The following HEY2 variants were observed in gnomAD, a reference collection of about 807,000 sequenced individuals.
The protein encoded by HEY2 is hairy/enhancer-of-split related with YRPW motif protein 2.
Under a neutral mutation model 18.1 loss-of-function variants are expected in HEY2, and 10 were observed. The observed-to-expected ratio is 0.55, with a 90% CI of 0.34 to 0.94. The LOEUF (loss-of-function observed/expected upper bound fraction) is 0.94. Ranked by LOEUF, HEY2 falls within the 40% of genes least tolerant of loss-of-function variation. HEY2 has a pLI of 0.02. For missense variants in HEY2, 455 were observed against 455.9 expected (o/e 1.00, Z 0.02); for synonymous variants, 210 against 182.7 (o/e 1.15, Z -1.21).
chr6:125,758,204 C>T (rs969294071), intron 4 of HEY2, among the ~76,000 whole-genome samples: 1 of 152,166 alleles, frequency 6.6e-6, no homozygotes, highest in Admixed American at 6.5e-5. Context: ...TTATTATTTT[C>T]TATTCTAATG....
chr6:125,759,781 G>T lies in HEY2; in HGVS notation c.993G>T (p.Gly331=), dbSNP rs1292413999. The T allele has an allele frequency of 1.2e-6, 2 of 1,613,786 alleles. No homozygotes were observed. Among genetic ancestry groups the T allele is most frequent in the Non-Finnish European group, 8.5e-7 (1 of 1,180,012 alleles). The part of the protein sequence containing the change: ...GTNNKPYRPW[G]TEVGAF ...ACAATAAACCTTACCGACCCTGGGGGACAGAAGTTGGAGCTTTTTAAATTT... is the reference window on the plus strand; with the variant it reads ...ACAATAAACCTTACCGACCCTGGGGTACAGAAGTTGGAGCTTTTTAAATTT... The change falls in exon 5 of 5, where the codon GGG becomes GGT. Residue 331 remains glycine, a synonymous_variant. Transcript: ENST00000368364.
rs1478582673 is a variant in HEY2 at position 125,749,756 on chromosome 6, C to T, written c.-21C>T. ...CGTCCGAGCTTCCGGCCGGGCTGTG[C>T]CCCGCGCGGTCTTCGCCGGGATGAA... On this transcript the variant is annotated 5_prime_UTR_variant, in exon 1 of 5. Coordinates refer to ENST00000368364, the MANE Select transcript of HEY2 (RefSeq NM_012259.3). The T allele has an allele frequency of 3.9e-6, 6 of 1,551,842 alleles. No homozygotes were observed. The highest frequency in any genetic ancestry group is 1.2e-5 in the South Asian group (1 of 84,144).
At position 125,760,984 on chromosome 6, in the gene HEY2, T is replaced by A. The variant is rs986788965; in HGVS notation, c.*1182T>A. On this transcript the variant is annotated 3_prime_UTR_variant, in exon 5 of 5. Coordinates refer to ENST00000368364, the MANE Select transcript of HEY2 (RefSeq NM_012259.3). ...TATGTAATGGGGTTGTGGTTTTGTT[T>A]TTTTCGATTTCGTTTAATGACAAAA... 6.6e-6 allele frequency: 1 copy of A among 152,644 alleles called. No homozygotes were observed. The highest frequency in any genetic ancestry group is 2.4e-5 in the African/African-American group (1 of 41,460). The allele number at this position is 152,644 out of a possible 1,614,324, so 9.5% of individuals were successfully genotyped here. A position where few individuals can be genotyped will look rare whatever the true frequency, so the allele number is the denominator to read the frequency against.
chr6:125,758,180 C>A (rs975568701), intron 4 of HEY2, among the ~76,000 whole-genome samples: 1 of 151,992 alleles, frequency 6.6e-6, no homozygotes, highest in Non-Finnish European at 1.5e-5. Context: ...CATGGGCACT[C>A]CAATAATTAG....
In HEY2 at chr6:125,756,815, G is replaced by C. The variant is rs139759475; in HGVS notation, c.328+2269G>C. On this transcript the variant is annotated intron_variant, in intron 4 of 4. Transcript: ENST00000368364. ...GTGTCCATACTATATAACTCATAAG[G>C]CTGTTACAAGTTAATTCACTTAAGG... Among the ~76,000 whole-genome samples, 194 of 152,290 alleles carry C rather than the reference G, an allele frequency of 1.3e-3. 1 individual carries two copies. Among genetic ancestry groups the C allele is most frequent in the African/African-American group, 4.3e-3 (179 of 41,558 alleles).
intron 3 of HEY2, among the ~76,000 whole-genome samples, chr6:125,753,931 T>C (rs1024726660): frequency 1.3e-5 from 2 of 152,210 alleles, no homozygotes; most frequent in Non-Finnish European, 2.9e-5. Context: ...TCCAATTATA[T>C]GGTTCTAGTG....
rs777316111 is a variant in HEY2 at position 125,759,450 on chromosome 6, C to T, written c.662C>T (p.Ala221Val). Reference protein sequence around the residue: ...RLSTTSEVPPAHGSALLTATF... With the variant: ...RLSTTSEVPPVHGSALLTATF... The stretch of plus-strand genomic sequence containing the variant: ...TCCACAACTTCAGAAGTGCCTCCTG[C>T]CCACGGCTCTGCTCTCCTCACGGCC... The change falls in exon 5 of 5, where the codon GCC becomes GTC. Residue 221 changes from alanine (A) to valine (V), a missense_variant. Ala to Val is a moderately conservative substitution (Grantham distance 64, BLOSUM62 0). Coordinates refer to ENST00000368364, the MANE Select transcript of HEY2 (RefSeq NM_012259.3). The T allele has an allele frequency of 9.3e-6, 15 of 1,611,650 alleles. No individual in the cohort carries two copies. In the East Asian group the frequency reaches 1.1e-4, roughly 12 times the overall value.
rs775781440 is a variant in HEY2, at chr6:125,749,726, C to G, written c.-51C>G. ...GCGGGCGTCAGGGTGCTGCGCCCCG[C>G]TCGGCGTCCGAGCTTCCGGCCGGGC... On this transcript the variant is annotated 5_prime_UTR_variant, in exon 1 of 5. Transcript: ENST00000368364. 2 of 1,452,590 alleles carry G rather than the reference C, an allele frequency of 1.4e-6. No homozygotes were observed. Among genetic ancestry groups the G allele is most frequent in the Non-Finnish European group, 9.4e-7 (1 of 1,066,212 alleles). 90.0% of individuals were successfully genotyped at this position (1,452,590 alleles called of 1,614,324 possible).
chr6:125,749,703 G>GGGCGTCAGGGTGCTGCGCCCCGCTC lies in HEY2; in HGVS notation c.-67_-43dup, dbSNP rs1773493355. 2 of 1,121,566 alleles carry GGGCGTCAGGGTGCTGCGCCCCGCTC rather than the reference G, an allele frequency of 1.8e-6. No individual in the cohort carries two copies. The highest frequency in any genetic ancestry group is 2.5e-6 in the Non-Finnish European group (2 of 791,138). 69.5% of individuals were successfully genotyped at this position (1,121,566 alleles called of 1,614,324 possible). A position where few individuals can be genotyped will look rare whatever the true frequency, so the allele number is the denominator to read the frequency against. ...GCCCAGGCCCGGGGAGGGAGGAGGC[G>GGGCGTCAGGGTGCTGCGCCCCGCTC]GGCGTCAGGGTGCTGCGCCCCGCTC... is the stretch of plus-strand genomic sequence containing the variant. On this transcript the variant is annotated 5_prime_UTR_variant, in exon 1 of 5. Transcript: ENST00000368364.
chr6:125,754,544 A>G lies in HEY2; in HGVS notation c.326A>G (p.Lys109Arg), dbSNP rs370035330. The G allele has an allele frequency of 3.2e-5, 50 of 1,576,982 alleles. No individual in the cohort carries two copies. In the South Asian group the frequency reaches 3.7e-4, roughly 12 times the overall value. The change falls in exon 4 of 5, where the codon AAA (lysine) becomes AGA (arginine). Residue 109 changes from lysine to arginine, a missense_variant and splice_region_variant. Physicochemically the swap from Lys to Arg is conservative, Grantham distance 26. Transcript: ENST00000368364. ...HLKMLQATGG[K>R]GYFDAHALAM... Reference sequence around the variant, plus strand: ...AAGATGCTTCAGGCAACAGGGGGTAAAGGTAAGTAGATGACTTCATTTTTT... The same window carrying G: ...AAGATGCTTCAGGCAACAGGGGGTAGAGGTAAGTAGATGACTTCATTTTTT...
In HEY2 at chr6:125,759,130, A is replaced by C; in HGVS notation, c.342A>C (p.Ala114=). The C allele has an allele frequency of 6.2e-7, 1 of 1,602,710 alleles. No individual in the cohort carries two copies. Among genetic ancestry groups the C allele is most frequent in the African/African-American group, 1.3e-5 (1 of 74,766 alleles). The change falls in exon 5 of 5, where the codon GCA becomes GCC. Residue 114 remains alanine (A), a synonymous_variant. Transcript: ENST00000368364. ...QATGGKGYFD[A]HALAMDFMSI... ...ACCCACTTTTAGGCTACTTTGACGC[A>C]CACGCTCTTGCCATGGACTTCATGA...
chr6:125,759,054 T>C (rs1773723853), intron 4 of HEY2, 63 bp from the exon 5 acceptor site: 1 of 1,299,140 alleles, frequency 7.7e-7, no homozygotes, highest in African/African-American at 1.5e-5. Context: ...CTATACCATT[T>C]TCTCACCCCT....
At chr6:125,757,200 CTG>C (rs1357838246) in intron 4 of HEY2, among the ~76,000 whole-genome samples, 1 of 152,196 alleles carries the variant, frequency 6.6e-6, no homozygotes, top group East Asian at 1.9e-4. Flanking sequence ...TTTCTGGACT[CTG>C]TCTATTCTAT....
intron 4 of HEY2, among the ~76,000 whole-genome samples, chr6:125,758,167 C>G (rs1773702983): frequency 6.6e-6 from 1 of 151,764 alleles, no homozygotes; most frequent in Admixed American, 6.6e-5. Context: ...CCTACATGCC[C>G]TACATGGGCA....
chr6:125,758,296 A>T (rs575358539), intron 4 of HEY2, among the ~76,000 whole-genome samples: 1 of 152,226 alleles, frequency 6.6e-6, no homozygotes, highest in Non-Finnish European at 1.5e-5. Flanking sequence ...ATAGGAGTGC[A>T]TGCATATACA....
chr6:125,751,573 T>A (rs545889952), intron 1 of HEY2, among the ~76,000 whole-genome samples: 12 of 152,250 alleles, frequency 7.9e-5, no homozygotes, highest in Non-Finnish European at 1.8e-4. Flanking sequence ...GTGGGACATT[T>A]TGGCCAATGG....
rs1043524009 is a variant in HEY2 at position 125,749,640 on chromosome 6, C to A, written c.-137C>A. 16 of 490,488 alleles carry A rather than the reference C, an allele frequency of 3.3e-5. No individual in the cohort carries two copies. In the South Asian group the frequency reaches 5.1e-4, roughly 16 times the overall value. 30.4% of individuals were successfully genotyped at this position (490,488 alleles called of 1,614,324 possible). The stretch of plus-strand genomic sequence containing the variant: ...GCAGAGTTGCGGCGTGGGAAAGAGC[C>A]GCTAGGAGCAGACCGCGCCGCCGCC... On this transcript the variant is annotated 5_prime_UTR_variant, in exon 1 of 5. Coordinates refer to ENST00000368364, the MANE Select transcript of HEY2 (RefSeq NM_012259.3).
At chr6:125,749,947 G>T in intron 1 of HEY2, 88 bp downstream of exon 1, 1 of 1,097,312 alleles carries the variant, frequency 9.1e-7, no homozygotes, top group Non-Finnish European at 1.4e-6. Context: ...TCCCGAGGCT[G>T]GTCTCCGCAG....
intron 1 of HEY2, chr6:125,750,375 G>A: frequency 1.0e-6 from 1 of 985,430 alleles, no homozygotes; most frequent in East Asian, 1.1e-4. Context: ...GCAAGAGTGA[G>A]TGACAGATGT....
Sources: allele counts gnomAD v4.1 joint callset (sites outside exome capture counted in the v4.1 genomes callset), GRCh38; gene constraint gnomAD v4.1.1; transcripts MANE v1.5; gene names NCBI Gene and HGNC (gene_info 2026-07-23, HGNC 2026-07-21).